BLACAT1: variants seen among roughly 807,000 people sequenced by gnomAD.
BLACAT1 encodes BLACAT1 overlapping LEMD1 locus.
downstream of BLACAT1, chr1:205,436,592 T>C (rs1022311062): frequency 6.6e-6 from 1 of 151,976 alleles, no homozygotes; most frequent in Non-Finnish European, 1.5e-5. Flanking sequence ...TGTGTTTGTG[T>C]TGGGAGCAGG....
intron 1 of BLACAT1, among the ~76,000 whole-genome samples, chr1:205,452,801 C>T (rs1666514236): frequency 1.3e-5 from 2 of 152,202 alleles, no homozygotes; most frequent in Non-Finnish European, 2.9e-5. Flanking sequence ...CTTGCTTTTA[C>T]CACCCCACAT....
At chr1:205,438,898 C>T (rs1666250536), downstream of BLACAT1, among the ~76,000 whole-genome samples, 2 of 152,100 alleles carry the variant, frequency 1.3e-5, no homozygotes, top group Admixed American at 1.3e-4. Flanking sequence ...CTGAGAGGCG[C>T]ACAAGGGGAA....
At chr1:205,437,407 G>C (rs1421308596), downstream of BLACAT1, 1 of 152,326 alleles carries the variant, frequency 6.6e-6, no homozygotes, top group East Asian at 1.9e-4. Flanking sequence ...AGGACCTGGA[G>C]TCAGAGTCTA....
downstream of BLACAT1, chr1:205,435,106 G>C (rs1168669471): frequency 6.6e-6 from 1 of 152,206 alleles, no homozygotes; most frequent in Non-Finnish European, 1.5e-5. Context: ...CCTCAGTGCA[G>C]GAGTTTAGCA....
intron 1 of BLACAT1, among the ~76,000 whole-genome samples, chr1:205,454,549 T>TGTGAGAGA (rs1246150219): frequency 6.8e-6 from 1 of 147,206 alleles, no homozygotes; most frequent in African/African-American, 2.5e-5. Context: ...TGTGTGTGTG[T>TGTGAGAGA]GAGAGAGAGA....
At chr1:205,442,978 A>G (rs1666320728) in intron 1 of BLACAT1, among the ~76,000 whole-genome samples, 1 of 152,128 alleles carries the variant, frequency 6.6e-6, no homozygotes, top group South Asian at 2.1e-4. Context: ...GTGTACCAGG[A>G]GATTAGGCAA....
chr1:205,448,461 A>G lies in BLACAT1; in HGVS notation c.-36-7399T>C, dbSNP rs895930243. On this transcript the variant is annotated intron_variant, in intron 1 of 1. Coordinates refer to ENST00000629624, the Ensembl canonical transcript of BLACAT1. The surrounding 1 kb of genome is among the most constrained non-coding windows in gnomAD (Gnocchi z 4.7). ...AAGCTGGGGCACCCGAGAAGCCCTC[A>G]CTCCCCTTCTCAGCACCCCCGACCC... is the stretch of plus-strand genomic sequence containing the variant. 9 of 521,742 alleles carry G rather than the reference A, an allele frequency of 1.7e-5. No homozygotes were observed. The East Asian group carries it at 3.9e-4, about 22-fold the overall frequency. 32.3% of individuals were successfully genotyped at this position (521,742 alleles called of 1,614,324 possible).
At chr1:205,454,289 A>T (rs528641463) in intron 1 of BLACAT1, among the ~76,000 whole-genome samples, 1 of 152,288 alleles carries the variant, frequency 6.6e-6, no homozygotes, top group African/African-American at 2.4e-5. Context: ...CCTGCCACCC[A>T]GTCTTCATGT....
chr1:205,438,585 G>C (rs1666244979), downstream of BLACAT1, among the ~76,000 whole-genome samples: 1 of 152,230 alleles, frequency 6.6e-6, no homozygotes, highest in Non-Finnish European at 1.5e-5. Context: ...AGGAAACTGA[G>C]GGACAATAGA....
At chr1:205,454,087 G>A (rs1382227566) in intron 1 of BLACAT1, among the ~76,000 whole-genome samples, 1 of 152,166 alleles carries the variant, frequency 6.6e-6, no homozygotes, top group Non-Finnish European at 1.5e-5. Context: ...AGAGATGAAG[G>A]GTGGGGAGAA....
At chr1:205,449,595 A>G (rs1347217676) in intron 1 of BLACAT1, among the ~76,000 whole-genome samples, 1 of 151,442 alleles carries the variant, frequency 6.6e-6, no homozygotes, top group Non-Finnish European at 1.5e-5. Context: ...CACAGCACAC[A>G]GCACACAGCA....
chr1:205,446,395 T>G (rs111781559), intron 1 of BLACAT1, among the ~76,000 whole-genome samples: 1,875 of 152,306 alleles, frequency 0.012, 40 homozygotes, highest in African/African-American at 0.042. Flanking sequence ...CCATCTTTTC[T>G]CCCAGTTCGT....
chr1:205,455,166 G>T (rs1666547876), intron 1 of BLACAT1, among the ~76,000 whole-genome samples: 1 of 152,104 alleles, frequency 6.6e-6, no homozygotes, highest in African/African-American at 2.4e-5. Context: ...TCCTCCTCCA[G>T]GTGGGCTCCT....
downstream of BLACAT1, chr1:205,437,346 C>A (rs1666226927): frequency 6.6e-6 from 1 of 152,584 alleles, no homozygotes; most frequent in Non-Finnish European, 1.5e-5. Context: ...GTGTATGTGA[C>A]AGAGAGAAAG....
At chr1:205,444,760 T>G (rs1427975132) in intron 1 of BLACAT1, among the ~76,000 whole-genome samples, 4 of 152,100 alleles carry the variant, frequency 2.6e-5, no homozygotes, top group Non-Finnish European at 5.9e-5. Flanking sequence ...TATTTAAAAG[T>G]GCTGGGGCAT....
intron 1 of BLACAT1, among the ~76,000 whole-genome samples, chr1:205,455,271 C>CA (rs1666549215): frequency 6.6e-6 from 1 of 152,130 alleles, no homozygotes. Context: ...ACCTAGACCC[C>CA]ACAGACACAA....
rs1666436182 is a variant in BLACAT1, at chr1:205,448,195, G to A, written c.-36-7133C>T. On this transcript the variant is annotated intron_variant, in intron 1 of 1. Coordinates refer to ENST00000629624, the Ensembl canonical transcript of BLACAT1. The surrounding 1 kb of genome is among the most constrained non-coding windows in gnomAD (Gnocchi z 4.7). ...TCACACGGCTTAGCCCCGATCCCAGGTTACCAGATCCCGTGATGCCCCACC... is the reference window on the plus strand; with the variant it reads ...TCACACGGCTTAGCCCCGATCCCAGATTACCAGATCCCGTGATGCCCCACC... The A allele has an allele frequency of 2.3e-6, 1 of 444,070 alleles. No individual in the cohort carries two copies. The highest frequency in any genetic ancestry group is 4.6e-6 in the Non-Finnish European group (1 of 216,120). 27.5% of individuals were successfully genotyped at this position (444,070 alleles called of 1,614,324 possible).
At chr1:205,452,472 A>T (rs985279678) in intron 1 of BLACAT1, among the ~76,000 whole-genome samples, 1 of 152,252 alleles carries the variant, frequency 6.6e-6, no homozygotes, top group Non-Finnish European at 1.5e-5. Flanking sequence ...AACAGGAGCC[A>T]GTGGGCTCCC....
At chr1:205,444,515 T>C (rs1215739356) in intron 1 of BLACAT1, among the ~76,000 whole-genome samples, 1 of 152,066 alleles carries the variant, frequency 6.6e-6, no homozygotes, top group Non-Finnish European at 1.5e-5. Context: ...CTGTGCCAGA[T>C]ACTCTCCTGG....
Sources: allele counts gnomAD v4.1 joint callset (sites outside exome capture counted in the v4.1 genomes callset), GRCh38; gene constraint gnomAD v4.1.1; non-coding constraint Gnocchi (gnomAD v3.1); transcripts MANE v1.5; gene names NCBI Gene and HGNC (gene_info 2026-07-23, HGNC 2026-07-21).